KLHL13: variants seen among roughly 807,000 people sequenced by gnomAD.
The protein encoded by KLHL13 is kelch-like protein 13.
A neutral mutation model predicts 37.1 loss-of-function variants in KLHL13; 10 were observed. That is an observed-to-expected ratio of 0.27 (90% CI 0.17 to 0.46). The LOEUF is 0.46. Among genes scored for constraint, KLHL13 ranks in the 20% least tolerant of loss-of-function variants. KLHL13 has a pLI of 1.00. For missense variants in KLHL13, 360 were observed against 509.3 expected, an observed-to-expected ratio of 0.71 and a Z score of 2.82; for synonymous variants, 163 against 181.2, an observed-to-expected ratio of 0.90 and a Z score of 0.81.
intron 4 of KLHL13, among the ~76,000 whole-genome samples, chrX:117,913,217 T>C (rs1453135369): frequency 5.0e-5 from 1 of 20,053 alleles, no homozygotes; most frequent in Non-Finnish European, 8.6e-5. Flanking sequence ...TTCTTAAAAG[T>C]GACTCAGCTA....
At chrX:117,940,265 T>C (rs1932949990) in intron 2 of KLHL13, among the ~76,000 whole-genome samples, 1 of 111,705 alleles carries the variant, frequency 9.0e-6, no homozygotes, top group African/African-American at 3.3e-5. Context: ...TGTGTGGCAT[T>C]ACTTCTGAGG....
intron 4 of KLHL13, among the ~76,000 whole-genome samples, chrX:117,911,772 G>A (rs1602538155): frequency 1.8e-5 from 2 of 111,926 alleles, no homozygotes; most frequent in Admixed American, 1.9e-4. Flanking sequence ...GTGTACATGT[G>A]CCACATTTTC....
intron 1 of KLHL13, among the ~76,000 whole-genome samples, chrX:117,953,922 T>C (rs758502627): frequency 1.4e-4 from 16 of 111,828 alleles, no homozygotes; most frequent in Non-Finnish European, 3.0e-4. Flanking sequence ...CCAACACTTA[T>C]GGGGTAGGGA....
intron 1 of KLHL13, among the ~76,000 whole-genome samples, chrX:118,108,080 T>C (rs1602730932): frequency 9.0e-6 from 1 of 111,181 alleles, no homozygotes; most frequent in South Asian, 3.8e-4. Context: ...CATCCAAGAG[T>C]GGAACAGAAA....
chrX:117,973,280 G>A, exon 1 of KLHL13: 3 of 968,528 alleles, frequency 3.1e-6, no homozygotes, highest in African/African-American at 2.0e-5. Context: ...ACATAGATGG[G>A]TTTCATATGA....
At chrX:118,045,251 G>A (rs1221107332) in intron 1 of KLHL13, among the ~76,000 whole-genome samples, 8 of 108,749 alleles carry the variant, frequency 7.4e-5, no homozygotes, top group Non-Finnish European at 5.7e-5. Flanking sequence ...GCAGGCGCCT[G>A]TAGTCTCAGT....
In KLHL13 at chrX:118,008,722, C is replaced by G. The variant is rs527874515; in HGVS notation, c.-55-63147G>C. Among the ~76,000 whole-genome samples, 33 of 111,532 alleles carry G rather than the reference C, an allele frequency of 3.0e-4. No individual in the cohort carries two copies. In the South Asian group the frequency reaches 0.013, roughly 43 times the overall value. On this transcript the variant is annotated intron_variant, in intron 1 of 6. Transcript: ENST00000371882. ...CATTCCAGGGAAGGAAAAAGACTGG[C>G]ATATGGCTAAATGCAAAGACTCTGG...
intron 1 of KLHL13, among the ~76,000 whole-genome samples, chrX:118,110,885 C>T (rs923298219): frequency 4.5e-5 from 5 of 111,673 alleles, no homozygotes; most frequent in Non-Finnish European, 7.5e-5. Flanking sequence ...CTGAATGGTA[C>T]CAGATGAGAG....
intron 1 of KLHL13, among the ~76,000 whole-genome samples, chrX:118,111,668 G>A (rs2055411151): frequency 8.9e-6 from 1 of 112,472 alleles, no homozygotes. Flanking sequence ...CGAGGCAGGT[G>A]GATCACGAGG....
At chrX:117,995,562 A>G (rs780527617) in intron 1 of KLHL13, among the ~76,000 whole-genome samples, 65 of 111,631 alleles carry the variant, frequency 5.8e-4, no homozygotes, top group African/African-American at 2.0e-3. Context: ...CATTCAGTGC[A>G]TTCAGAATGT....
At chrX:117,999,295 A>G (rs1285984515) in intron 1 of KLHL13, among the ~76,000 whole-genome samples, 6 of 111,294 alleles carry the variant, frequency 5.4e-5, no homozygotes, top group Non-Finnish European at 1.1e-4. Flanking sequence ...AACCAACCCA[A>G]ATGTCCAACA....
intron 1 of KLHL13, among the ~76,000 whole-genome samples, chrX:117,968,809 CTT>C (rs1412735482): frequency 1.8e-5 from 2 of 111,034 alleles, no homozygotes; most frequent in African/African-American, 6.5e-5. Flanking sequence ...AAAAGACAAT[CTT>C]AGGGGATAGA....
chrX:117,971,209 C>A (rs12009735), intron 1 of KLHL13, among the ~76,000 whole-genome samples: 9,490 of 111,414 alleles, frequency 0.085, 355 homozygotes, highest in Middle Eastern at 0.14. Context: ...TTTAGACAAT[C>A]AAATATAGTA....
intron 1 of KLHL13, among the ~76,000 whole-genome samples, chrX:118,081,745 G>A (rs1244458014): frequency 1.8e-5 from 2 of 110,722 alleles, no homozygotes; most frequent in Admixed American, 1.9e-4. Context: ...CATTCCTCCT[G>A]CTACCCTTCC....
chrX:118,070,824 T>C (rs955747780), intron 1 of KLHL13, among the ~76,000 whole-genome samples: 1 of 109,895 alleles, frequency 9.1e-6, no homozygotes, highest in African/African-American at 3.3e-5. Context: ...GTTACATATG[T>C]GTACATGTGA....
chrX:117,945,624 A>G, intron 1 of KLHL13, 49 bp from the exon 3 acceptor site: 2 of 1,039,185 alleles, frequency 1.9e-6, no homozygotes, highest in Non-Finnish European at 2.7e-6. Flanking sequence ...AACTTGTACA[A>G]TTTACAATGA....
intron 1 of KLHL13, among the ~76,000 whole-genome samples, chrX:118,055,213 T>A (rs1226385999): frequency 8.9e-6 from 1 of 112,183 alleles, no homozygotes; most frequent in Admixed American, 9.5e-5. Flanking sequence ...TAGCTCTATC[T>A]TTTCTACAAT....
chrX:118,072,009 C>G (rs2054873003), intron 1 of KLHL13, among the ~76,000 whole-genome samples: 1 of 110,620 alleles, frequency 9.0e-6, no homozygotes, highest in Admixed American at 9.6e-5. Flanking sequence ...CAAAAAAGAG[C>G]CTGCATCACC....
chrX:117,902,696 C>T (rs1930178877), intron 5 of KLHL13, among the ~76,000 whole-genome samples: 1 of 111,317 alleles, frequency 9.0e-6, no homozygotes, highest in Non-Finnish European at 1.9e-5. Flanking sequence ...ACCTCAAGAA[C>T]AGAACAATGT....
Sources: allele counts gnomAD v4.1 joint callset (sites outside exome capture counted in the v4.1 genomes callset), GRCh38; gene constraint gnomAD v4.1.1; transcripts MANE v1.5; gene names NCBI Gene and HGNC (gene_info 2026-07-23, HGNC 2026-07-21).